The following KCNIP1 variants were observed in gnomAD, a reference collection of about 807,000 sequenced individuals.
The protein encoded by KCNIP1 is A-type potassium channel modulatory protein KCNIP1.
Under a neutral mutation model 33.0 loss-of-function variants are expected in KCNIP1, and 18 were observed. The ratio of observed to expected loss-of-function variants is 0.55; its 90% CI spans 0.38 to 0.81. The LOEUF (loss-of-function observed/expected upper bound fraction) is 0.81. Among genes scored for constraint, KCNIP1 ranks in the 30% least tolerant of loss-of-function variants. The probability of loss-of-function intolerance (pLI) is 0.00; values close to 1 mark genes in which losing one functional copy is unlikely to be tolerated. For missense variants in KCNIP1, 238 were observed against 271.6 expected (o/e 0.88, Z 0.87); for synonymous variants, 93 against 98.3 (o/e 0.95, Z 0.32).
intron 1 of KCNIP1, among the ~76,000 whole-genome samples, chr5:170,487,473 T>C (rs895763450): frequency 6.6e-6 from 1 of 151,968 alleles, no homozygotes; most frequent in Non-Finnish European, 1.5e-5. Flanking sequence ...CAATTCCATG[T>C]TTTTAGCATG....
At chr5:170,423,462 A>C (rs1755541522) in intron 1 of KCNIP1, among the ~76,000 whole-genome samples, 1 of 152,150 alleles carries the variant, frequency 6.6e-6, no homozygotes, top group Non-Finnish European at 1.5e-5. Context: ...CCATATCCTG[A>C]ATTTGGAGAT....
intron 5 of KCNIP1, among the ~76,000 whole-genome samples, chr5:170,731,969 C>G (rs971486288): frequency 6.6e-6 from 1 of 151,628 alleles, no homozygotes; most frequent in Admixed American, 6.6e-5. Context: ...TGTTAATTTC[C>G]TGGGTTTGGT....
intron 1 of KCNIP1, among the ~76,000 whole-genome samples, chr5:170,632,656 C>T (rs189507537): frequency 1.3e-5 from 2 of 152,344 alleles, no homozygotes; most frequent in African/African-American, 4.8e-5. Flanking sequence ...TCCTCGATTC[C>T]TAAAATGTGA....
intron 1 of KCNIP1, among the ~76,000 whole-genome samples, chr5:170,508,948 T>A (rs1049307973): frequency 6.6e-6 from 1 of 152,082 alleles, no homozygotes; most frequent in Non-Finnish European, 1.5e-5. Context: ...TTCTTGGGGG[T>A]AGGAGCTCGT....
rs117563491 is a variant in KCNIP1 at position 170,398,795 on chromosome 5, T to G, written c.88+44831T>G. On this transcript the variant is annotated intron_variant, in intron 1 of 7. Transcript: ENST00000377360. Reference sequence around the variant, plus strand: ...AGCCTCTCAGCATGGGCAGGGGGTTTTGAGATTATAAACAGGTTATTCTGT... The same window carrying G: ...AGCCTCTCAGCATGGGCAGGGGGTTGTGAGATTATAAACAGGTTATTCTGT... Among the ~76,000 whole-genome samples the G allele has an allele frequency of 8.9e-4, 135 of 152,264 alleles. 2 individuals are homozygous for G. In the East Asian group the frequency reaches 0.023, roughly 26 times the overall value.
At chr5:170,370,227 G>A (rs77590157) in intron 1 of KCNIP1, among the ~76,000 whole-genome samples, 1,931 of 152,270 alleles carry the variant, frequency 0.013, 44 homozygotes, top group African/African-American at 0.043. Flanking sequence ...TGAATTATCG[G>A]TTGAAGGAGA....
chr5:170,730,456 A>C (rs1297626481), intron 5 of KCNIP1, among the ~76,000 whole-genome samples: 1 of 152,184 alleles, frequency 6.6e-6, no homozygotes, highest in Non-Finnish European at 1.5e-5. Context: ...TCCCCTGGCA[A>C]TCATTTGGAG....
intron 5 of KCNIP1, among the ~76,000 whole-genome samples, chr5:170,727,429 T>C (rs1764048807): frequency 6.6e-6 from 1 of 152,170 alleles, no homozygotes; most frequent in African/African-American, 2.4e-5. Flanking sequence ...ACAGTACACT[T>C]AAAATGGGTG....
intron 1 of KCNIP1, among the ~76,000 whole-genome samples, chr5:170,427,955 T>C (rs78941099): frequency 0.023 from 3,478 of 152,180 alleles, 76 homozygotes; most frequent in African/African-American, 0.051. Flanking sequence ...AGAAAGAAAA[T>C]AGTGTTGTTA....
chr5:170,371,291 A>G (rs1049685627), intron 1 of KCNIP1, among the ~76,000 whole-genome samples: 2 of 152,032 alleles, frequency 1.3e-5, no homozygotes, highest in Non-Finnish European at 2.9e-5. Context: ...TTTGTGGGAC[A>G]TTTTCAGATC....
intron 1 of KCNIP1, among the ~76,000 whole-genome samples, chr5:170,473,972 C>G (rs528503108): frequency 6.6e-6 from 1 of 152,130 alleles, no homozygotes; most frequent in African/African-American, 2.4e-5. Flanking sequence ...CTGCGTTGGG[C>G]GTCAGGACAC....
chr5:170,357,768 C>A (rs1763386871), intron 1 of KCNIP1, among the ~76,000 whole-genome samples: 1 of 152,158 alleles, frequency 6.6e-6, no homozygotes, highest in Non-Finnish European at 1.5e-5. Context: ...CTCAAGAGAC[C>A]CTCCTGCCTT....
At chr5:170,713,046 T>C (rs1490822384) in intron 1 of KCNIP1, among the ~76,000 whole-genome samples, 1 of 152,228 alleles carries the variant, frequency 6.6e-6, no homozygotes, top group East Asian at 1.9e-4. Flanking sequence ...GAAATGTTCT[T>C]TTAGAGACAA....
chr5:170,364,000 CTTTTT>C (rs56966570), intron 1 of KCNIP1, among the ~76,000 whole-genome samples: 1 of 135,004 alleles, frequency 7.4e-6, no homozygotes, highest in Admixed American at 7.5e-5. Flanking sequence ...AGTGTAATAT[CTTTTT>C]TTTTTTTTTT....
intron 1 of KCNIP1, among the ~76,000 whole-genome samples, chr5:170,536,804 G>A (rs1466116753): frequency 6.6e-6 from 1 of 152,228 alleles, no homozygotes; most frequent in Non-Finnish European, 1.5e-5. Flanking sequence ...AGAGGACAGA[G>A]TCAAAGAAAA....
At chr5:170,593,832 G>C (rs1178778448) in intron 1 of KCNIP1, among the ~76,000 whole-genome samples, 1 of 152,154 alleles carries the variant, frequency 6.6e-6, no homozygotes, top group South Asian at 2.1e-4. Context: ...GGAGTTTGGG[G>C]ATACATGTTT....
At position 170,480,041 on chromosome 5, in the gene KCNIP1, A is replaced by C. The variant is rs73803717; in HGVS notation, c.88+126077A>C. The stretch of plus-strand genomic sequence containing the variant: ...ACCCTTTTAAATGTTTCAAACACCT[A>C]AAAAGTCAGCAAAAATGCACACAAA... On this transcript the variant is annotated intron_variant, in intron 1 of 7. Coordinates refer to the KCNIP1 transcript ENST00000377360. Among the ~76,000 whole-genome samples the C allele has an allele frequency of 4.2e-3, 639 of 152,324 alleles. 4 individuals are homozygous for C. The highest frequency in any genetic ancestry group is 0.015 in the African/African-American group (605 of 41,574).
intron 1 of KCNIP1, among the ~76,000 whole-genome samples, chr5:170,540,091 T>C (rs1756141616): frequency 6.6e-6 from 1 of 152,212 alleles, no homozygotes. Flanking sequence ...ACTGCCTGGG[T>C]CTGGGTTCTT....
At chr5:170,625,805 G>A (rs554796059) in intron 1 of KCNIP1, among the ~76,000 whole-genome samples, 4 of 152,292 alleles carry the variant, frequency 2.6e-5, no homozygotes, top group South Asian at 2.1e-4. Context: ...TGTTAGAAAC[G>A]CGGTAAAACA....
Sources: allele counts gnomAD v4.1 joint callset (sites outside exome capture counted in the v4.1 genomes callset), GRCh38; gene constraint gnomAD v4.1.1; transcripts MANE v1.5; gene names NCBI Gene and HGNC (gene_info 2026-07-23, HGNC 2026-07-21).